Variants in BICRAL observed in about 807,000 individuals in gnomAD.
BICRAL encodes BICRA like chromatin remodeling complex associated protein, also known as BRD4-interacting chromatin-remodeling complex-associated protein-like.
In BICRAL, 8 loss-of-function variants were observed where a neutral mutation model predicts 91.8. That is an observed-to-expected ratio of 0.09 (90% confidence interval 0.05 to 0.16). The LOEUF (loss-of-function observed/expected upper bound fraction) is 0.16, where lower values mean the gene tolerates loss of function less well. Among genes scored for constraint, BICRAL ranks in the 10% least tolerant of loss-of-function variants. The pLI, the probability that BICRAL is intolerant of heterozygous loss-of-function variation, is 1.00. For synonymous variants in BICRAL, 445 were observed against 491.1 expected, an observed-to-expected ratio of 0.91 and a Z score of 1.24; for missense variants, 1,038 against 1,310.9, an observed-to-expected ratio of 0.79 and a Z score of 3.21.
chr6:42,824,090 G>C (rs1008638757), intron 5 of BICRAL, among the ~76,000 whole-genome samples: 1 of 151,772 alleles, frequency 6.6e-6, no homozygotes, highest in African/African-American at 2.4e-5. Flanking sequence ...ACAGAAATTG[G>C]TGTGGTGGCG....
Position 42,829,371 on chromosome 6 carries a change from T to C in BICRAL, c.1038T>C (p.Ser346=). ...TACAACAAGGGATCTCTTTTGCTTC[T>C]GCAAGCTCACCCCAGGGCTCAGTAG... ...HHVQQGISFA[S]ASSPQGSVVG... Residue 346 remains serine, a synonymous_variant, in exon 6 of 13, where the codon TCT becomes TCC. Coordinates refer to ENST00000314073, the MANE Select transcript of BICRAL (RefSeq NM_001393499.1). 6.2e-7 allele frequency: 1 copy of C among 1,614,238 alleles called. No individual in the cohort carries two copies. The highest frequency in any genetic ancestry group is 1.3e-5 in the African/African-American group (1 of 75,070).
chr6:42,856,477 T>C (rs1221702557), intron 9 of BICRAL, among the ~76,000 whole-genome samples: 1 of 141,234 alleles, frequency 7.1e-6, no homozygotes, highest in African/African-American at 2.7e-5. Context: ...TGGGCTCAAG[T>C]GATTCTCCCA....
intron 1 of BICRAL, among the ~76,000 whole-genome samples, chr6:42,769,224 AGCTCACCC>A (rs1023042476): frequency 2.0e-5 from 3 of 152,176 alleles, no homozygotes; most frequent in Non-Finnish European, 4.4e-5. Flanking sequence ...TCTGTTTCCA[AGCTCACCC>A]GTGAGGCGGT....
upstream of BICRAL, among the ~76,000 whole-genome samples, chr6:42,779,926 T>C (rs1582810394): frequency 6.6e-6 from 1 of 152,104 alleles, no homozygotes; most frequent in Admixed American, 6.5e-5. Context: ...AGATCTTTTT[T>C]ATTATTTTTT....
chr6:42,770,332 G>A (rs948167653), intron 1 of BICRAL, among the ~76,000 whole-genome samples: 4 of 151,862 alleles, frequency 2.6e-5, no homozygotes, highest in African/African-American at 4.8e-5. Context: ...GGGTTCAAGC[G>A]ATCCTCATGC....
At chr6:42,833,432 C>CTTTGT (rs1381195605) in intron 6 of BICRAL, among the ~76,000 whole-genome samples, 1 of 151,946 alleles carries the variant, frequency 6.6e-6, no homozygotes, top group Non-Finnish European at 1.5e-5. Context: ...CGGCATGCAG[C>CTTTGT]TTTGTTTTGT....
intron 2 of BICRAL, among the ~76,000 whole-genome samples, chr6:42,810,815 A>G (rs1763825386): frequency 6.6e-6 from 1 of 152,222 alleles, no homozygotes; most frequent in South Asian, 2.1e-4. Flanking sequence ...TGCCCATTGA[A>G]TAGCTTTATT....
At chr6:42,818,707 A>G (rs564129970) in intron 2 of BICRAL, among the ~76,000 whole-genome samples, 1 of 152,038 alleles carries the variant, frequency 6.6e-6, no homozygotes, top group African/African-American at 2.4e-5. Flanking sequence ...TTCTTTCTCC[A>G]TCCACCATTT....
At chr6:42,820,692 C>T (rs970323147) in intron 2 of BICRAL, among the ~76,000 whole-genome samples, 1 of 152,208 alleles carries the variant, frequency 6.6e-6, no homozygotes, top group African/African-American at 2.4e-5. Context: ...CAGTTTCAGC[C>T]TTGGGAGTCA....
intron 6 of BICRAL, among the ~76,000 whole-genome samples, chr6:42,837,166 C>G (rs1037933074): frequency 7.3e-5 from 11 of 151,642 alleles, no homozygotes. Context: ...AGGCTGGTCT[C>G]GAACTCCTGA....
At chr6:42,864,398 T>C (rs574965641) in intron 12 of BICRAL, among the ~76,000 whole-genome samples, 1 of 152,272 alleles carries the variant, frequency 6.6e-6, no homozygotes, top group African/African-American at 2.4e-5. Context: ...GCCCATCACA[T>C]TTTCCCATTT....
chr6:42,851,599 G>C (rs1174540809), intron 6 of BICRAL, among the ~76,000 whole-genome samples: 2 of 152,152 alleles, frequency 1.3e-5, no homozygotes, highest in Non-Finnish European at 2.9e-5. Context: ...AGATATACCA[G>C]ATGGTAGTGA....
At chr6:42,805,841 A>C (rs1214765465) in intron 1 of BICRAL, among the ~76,000 whole-genome samples, 1 of 152,050 alleles carries the variant, frequency 6.6e-6, no homozygotes, top group Non-Finnish European at 1.5e-5. Flanking sequence ...CTCTACTAAA[A>C]ATAGGAAAAA....
chr6:42,838,597 A>C (rs1764704406), intron 6 of BICRAL, among the ~76,000 whole-genome samples: 1 of 152,202 alleles, frequency 6.6e-6, no homozygotes, highest in South Asian at 2.1e-4. Context: ...TTATATTGAT[A>C]GTCACAAAAT....
intron 1 of BICRAL, among the ~76,000 whole-genome samples, chr6:42,752,272 G>A (rs915312166): frequency 1.3e-5 from 2 of 152,080 alleles, no homozygotes; most frequent in South Asian, 2.1e-4. Context: ...TACACTTAAC[G>A]TCTAGCACAT....
chr6:42,777,476 A>G (rs992222983), upstream of BICRAL, among the ~76,000 whole-genome samples: 6 of 152,182 alleles, frequency 3.9e-5, no homozygotes, highest in African/African-American at 1.4e-4. Context: ...AAATAAAAGT[A>G]TATACCTTAT....
At chr6:42,778,509 G>A (rs941601396), upstream of BICRAL, among the ~76,000 whole-genome samples, 1 of 152,168 alleles carries the variant, frequency 6.6e-6, no homozygotes, top group African/African-American at 2.4e-5. Context: ...GCACTTAGAA[G>A]ACCTTCAATA....
At chr6:42,769,371 G>A (rs772456744) in intron 1 of BICRAL, among the ~76,000 whole-genome samples, 28 of 152,206 alleles carry the variant, frequency 1.8e-4, no homozygotes, top group Non-Finnish European at 1.8e-4. Context: ...CAGAGTGAGC[G>A]ATCCAGAGAG....
At chr6:42,756,061 A>G in intron 1 of BICRAL, among the ~76,000 whole-genome samples, 1 of 152,078 alleles carries the variant, frequency 6.6e-6, no homozygotes, top group Non-Finnish European at 1.5e-5. Context: ...AAAACAATTT[A>G]CCTTTTGTCC....
Sources: gnomAD v4.1 joint callset for allele counts (sites outside exome capture counted in the v4.1 genomes callset) on GRCh38, gnomAD v4.1.1 for gene constraint, MANE v1.5 for transcripts, NCBI Gene and HGNC (gene_info 2026-07-23, HGNC 2026-07-21) for gene names.